The following SLC25A48 variants were observed in gnomAD, a reference collection of about 807,000 sequenced individuals.
SLC25A48 encodes the protein CTC-321K16.1.
Under a neutral mutation model 32.2 loss-of-function variants are expected in SLC25A48, and 29 were observed. That is an observed-to-expected ratio of 0.90 (90% CI 0.67 to 1.23). The LOEUF (loss-of-function observed/expected upper bound fraction) is 1.23. Ranked by LOEUF, SLC25A48 falls within the 50% of genes most tolerant of loss-of-function variation. The pLI, the probability that SLC25A48 is intolerant of heterozygous loss-of-function variation, is 0.00. For missense variants in SLC25A48, 399 were observed against 422.7 expected (o/e 0.94, Z 0.49); for synonymous variants, 164 against 172.3 (o/e 0.95, Z 0.38).
intron 2 of SLC25A48, among the ~76,000 whole-genome samples, chr5:135,846,185 G>T (rs1243204985): frequency 1.3e-5 from 2 of 152,202 alleles, no homozygotes; most frequent in African/African-American, 4.8e-5. Context: ...TCTGATGCCT[G>T]ATTATCTGAT....
intron 3 of SLC25A48, among the ~76,000 whole-genome samples, chr5:135,664,187 C>T (rs552701916): frequency 6.6e-6 from 1 of 152,322 alleles, no homozygotes; most frequent in South Asian, 2.1e-4. Context: ...GATAGGAACC[C>T]ATGGAAGGCT....
chr5:135,778,372 G>A (rs1429838091), intron 3 of SLC25A48, among the ~76,000 whole-genome samples: 2 of 151,326 alleles, frequency 1.3e-5, no homozygotes, highest in Non-Finnish European at 1.5e-5. Context: ...GTACACCCCC[G>A]ATGTGATATC....
Position 135,710,411 on chromosome 5 carries a change from T to C in SLC25A48, c.-521+75455T>C, listed in dbSNP as rs926277909. Among the ~76,000 whole-genome samples the C allele has an allele frequency of 5.3e-5, 8 of 152,358 alleles. No homozygotes were observed. The South Asian group carries it at 8.3e-4, about 16-fold the overall frequency. On this transcript the variant is annotated intron_variant, in intron 3 of 10. Coordinates refer to the SLC25A48 transcript ENST00000646290. ...AAAGGGTGTGATGCCTCTGAAGCCA[T>C]TGCCGTCTCTTTTGCTGGTTCTGGT...
chr5:135,799,105 T>C (rs548410282), intron 3 of SLC25A48, among the ~76,000 whole-genome samples: 1 of 151,630 alleles, frequency 6.6e-6, no homozygotes, highest in Non-Finnish European at 1.5e-5. Context: ...TTTTTCCTAA[T>C]GTACAGGGCG....
intron 4 of SLC25A48, among the ~76,000 whole-genome samples, chr5:135,863,345 A>G (rs1009687942): frequency 6.6e-6 from 1 of 152,156 alleles, no homozygotes; most frequent in Admixed American, 6.5e-5. Context: ...TGCCTGGTCT[A>G]TGTAGTGTGA....
chr5:135,704,985 T>G (rs185044616), intron 3 of SLC25A48, among the ~76,000 whole-genome samples: 1 of 152,320 alleles, frequency 6.6e-6, no homozygotes, highest in East Asian at 1.9e-4. Context: ...GTGATATATG[T>G]GGGCATGGTC....
At chr5:135,792,032 T>C (rs1041465536) in intron 3 of SLC25A48, among the ~76,000 whole-genome samples, 1 of 151,770 alleles carries the variant, frequency 6.6e-6, no homozygotes, top group African/African-American at 2.4e-5. Context: ...CTGTGGGTGT[T>C]CACCTCCTAT....
intron 1 of SLC25A48, among the ~76,000 whole-genome samples, chr5:135,622,857 G>T (rs891580928): frequency 6.6e-6 from 1 of 152,216 alleles, no homozygotes; most frequent in South Asian, 2.1e-4. Context: ...ATAATAAAAA[G>T]ACTGTGTTTC....
intron 3 of SLC25A48, among the ~76,000 whole-genome samples, chr5:135,789,524 G>T (rs1756965596): frequency 6.6e-6 from 1 of 151,320 alleles, no homozygotes; most frequent in Non-Finnish European, 1.5e-5. Flanking sequence ...TCCAGGAGGG[G>T]AGAGGGTGGT....
At chr5:135,737,112 A>C (rs569701791) in intron 3 of SLC25A48, among the ~76,000 whole-genome samples, 1 of 152,130 alleles carries the variant, frequency 6.6e-6, no homozygotes, top group Non-Finnish European at 1.5e-5. Context: ...GTGTGAAGAG[A>C]CCACCAAACA....
chr5:135,814,798 C>T (rs1757675768), intron 4 of SLC25A48, among the ~76,000 whole-genome samples: 1 of 152,338 alleles, frequency 6.6e-6, no homozygotes, highest in African/African-American at 2.4e-5. Flanking sequence ...CATCATTCTA[C>T]AGCCCTGGAC....
intron 3 of SLC25A48, chr5:135,714,683 C>T (rs1340281099): frequency 1.3e-5 from 2 of 152,248 alleles, no homozygotes; most frequent in Non-Finnish European, 2.9e-5. Flanking sequence ...CTATTCCAGG[C>T]ACTCTTCTAA....
chr5:135,858,831 G>GC (rs1458514738), intron 4 of SLC25A48, among the ~76,000 whole-genome samples: 1 of 152,246 alleles, frequency 6.6e-6, no homozygotes. Context: ...AATGGGCACA[G>GC]CTTGTGGGTT....
intron 1 of SLC25A48, among the ~76,000 whole-genome samples, chr5:135,583,060 G>A (rs1464341694): frequency 6.6e-6 from 1 of 152,156 alleles, no homozygotes; most frequent in African/African-American, 2.4e-5. Context: ...CATGTAGCAG[G>A]GGTTCACTCC....
intron 3 of SLC25A48, among the ~76,000 whole-genome samples, chr5:135,771,775 G>T (rs1237116457): frequency 6.7e-6 from 1 of 150,240 alleles, no homozygotes; most frequent in Non-Finnish European, 1.5e-5. Context: ...ACGGCAGTGG[G>T]TGTACATTTT....
upstream of SLC25A48, among the ~76,000 whole-genome samples, chr5:135,833,271 T>C (rs1758275244): frequency 6.6e-6 from 1 of 152,254 alleles, no homozygotes. Context: ...TGGGAGGCCA[T>C]CCTGGGCTGC....
upstream of SLC25A48, among the ~76,000 whole-genome samples, chr5:135,833,781 C>A (rs545410858): frequency 1.3e-5 from 2 of 152,162 alleles, no homozygotes; most frequent in African/African-American, 2.4e-5. Context: ...AGTGGACAGG[C>A]CTTTGTAGGA....
intron 1 of SLC25A48, among the ~76,000 whole-genome samples, chr5:135,601,993 C>T (rs781402257): frequency 6.6e-6 from 1 of 152,176 alleles, no homozygotes; most frequent in African/African-American, 2.4e-5. Context: ...TTGTACAGTG[C>T]CTGCCACTTA....
chr5:135,644,508 C>T (rs1267040405), intron 3 of SLC25A48, among the ~76,000 whole-genome samples: 2 of 152,112 alleles, frequency 1.3e-5, no homozygotes, highest in African/African-American at 4.8e-5. Flanking sequence ...TGAAAATAGC[C>T]AGCATTTGTT....
Sources: allele counts gnomAD v4.1 joint callset (sites outside exome capture counted in the v4.1 genomes callset), GRCh38; gene constraint gnomAD v4.1.1; transcripts MANE v1.5; gene names NCBI Gene and HGNC (gene_info 2026-07-23, HGNC 2026-07-21).